The following CHST3 variants were observed in gnomAD, a reference collection of about 807,000 sequenced individuals.
CHST3 encodes the protein carbohydrate sulfotransferase 3.
A neutral mutation model predicts 35.4 loss-of-function variants in CHST3; 20 were observed. The observed-to-expected ratio is 0.57, with a 90% confidence interval of 0.40 to 0.82. The LOEUF (loss-of-function observed/expected upper bound fraction) is 0.82. Among genes scored for constraint, CHST3 ranks in the 40% least tolerant of loss-of-function variants. The pLI is 0.00. For synonymous variants in CHST3, 334 were observed against 295.9 expected (o/e 1.13, Z -1.32); for missense variants, 693 against 670.1 (o/e 1.03, Z -0.38).
intron 1 of CHST3, among the ~76,000 whole-genome samples, chr10:71,967,117 C>A (rs1027131893): frequency 6.6e-6 from 1 of 152,142 alleles, no homozygotes; most frequent in Non-Finnish European, 1.5e-5. Flanking sequence ...ATCCTCCTGC[C>A]CCAGCCTCCC....
At position 72,009,094 on chromosome 10, in the gene CHST3, C is replaced by G. The variant is rs575995648; in HGVS notation, c.*623C>G. 1 of 152,650 alleles carries G rather than the reference C, an allele frequency of 6.6e-6. No individual in the cohort carries two copies. Among genetic ancestry groups the G allele is most frequent in the East Asian group, 1.9e-4 (1 of 5,188 alleles). The allele number at this position is 152,650 out of a possible 1,614,324, so 9.5% of individuals were successfully genotyped here. A position where few individuals can be genotyped will look rare whatever the true frequency, so the allele number is the denominator to read the frequency against. On this transcript the variant is annotated 3_prime_UTR_variant, in exon 3 of 3. Coordinates refer to ENST00000373115, the MANE Select transcript of CHST3 (RefSeq NM_004273.5). ...TATAGAGCTGCAAAACACACACATG[C>G]GTATAGACATACATACATGTACACC...
intron 1 of CHST3, among the ~76,000 whole-genome samples, chr10:71,997,210 C>G (rs1839949928): frequency 6.6e-6 from 1 of 152,150 alleles, no homozygotes; most frequent in Admixed American, 6.5e-5. Flanking sequence ...ACATCAACCC[C>G]CCGGCCCTTC....
intron 1 of CHST3, among the ~76,000 whole-genome samples, chr10:71,985,674 CT>C (rs1187637002): frequency 6.6e-6 from 1 of 151,954 alleles, no homozygotes; most frequent in African/African-American, 2.4e-5. Context: ...CTTTTTTTTC[CT>C]TTTCATTACA....
At chr10:71,990,074 CTTG>C (rs1839883660) in intron 1 of CHST3, among the ~76,000 whole-genome samples, 1 of 152,084 alleles carries the variant, frequency 6.6e-6, no homozygotes, top group African/African-American at 2.4e-5. Flanking sequence ...TGTATATGTC[CTTG>C]TTGTATCCAT....
chr10:71,980,016 C>T (rs949422050), intron 1 of CHST3, among the ~76,000 whole-genome samples: 6 of 152,216 alleles, frequency 3.9e-5, no homozygotes, highest in African/African-American at 1.4e-4. Flanking sequence ...CTTCTGTCCG[C>T]TGCCTACATG....
At chr10:71,981,177 C>T (rs1839797716) in intron 1 of CHST3, among the ~76,000 whole-genome samples, 1 of 152,244 alleles carries the variant, frequency 6.6e-6, no homozygotes, top group South Asian at 2.1e-4. Context: ...GTGGGTTTCA[C>T]TGGCGGTCCC....
At chr10:71,992,393 G>T (rs1363225851) in intron 1 of CHST3, among the ~76,000 whole-genome samples, 1 of 152,114 alleles carries the variant, frequency 6.6e-6, no homozygotes, top group Non-Finnish European at 1.5e-5. Context: ...TCCCAGGCTG[G>T]TCTCGAACTC....
In CHST3 at chr10:72,007,556, G is replaced by GC; in HGVS notation, c.527dup (p.Ala179ArgfsTer141). 1 of 1,606,740 alleles carries GC rather than the reference G, an allele frequency of 6.2e-7. No individual in the cohort carries two copies. Among genetic ancestry groups the GC allele is most frequent in the Non-Finnish European group, 8.5e-7 (1 of 1,179,780 alleles). Reference sequence around the variant, plus strand: ...ACATCGAGCGCACAGTGTCCTTCGAGCCGGGGGGCGCCAACGCCGCGGGCT... The same window carrying GC: ...ACATCGAGCGCACAGTGTCCTTCGAGCCCGGGGGGCGCCAACGCCGCGGGCT... On this transcript the variant is annotated frameshift_variant, in exon 3 of 3. Coordinates refer to ENST00000373115, the MANE Select transcript of CHST3 (RefSeq NM_004273.5). LOFTEE classifies it high-confidence loss of function.
chr10:71,972,727 A>G (rs555134088), intron 1 of CHST3, among the ~76,000 whole-genome samples: 1 of 152,216 alleles, frequency 6.6e-6, no homozygotes, highest in East Asian at 1.9e-4. Context: ...TCGGTATCCC[A>G]TGTTCCAAAT....
intron 1 of CHST3, among the ~76,000 whole-genome samples, chr10:72,000,480 G>C (rs1025803946): frequency 1.3e-5 from 2 of 152,018 alleles, no homozygotes; most frequent in Non-Finnish European, 2.9e-5. Flanking sequence ...CTCCAGAGCT[G>C]GGGGGGCATT....
chr10:71,996,601 C>A (rs1007622621), intron 1 of CHST3, among the ~76,000 whole-genome samples: 1 of 152,160 alleles, frequency 6.6e-6, no homozygotes, highest in South Asian at 2.1e-4. Flanking sequence ...TAACTTTATG[C>A]TGGCCTTCTT....
intron 1 of CHST3, among the ~76,000 whole-genome samples, chr10:71,973,589 G>C (rs1379035107): frequency 1.3e-5 from 2 of 152,218 alleles, no homozygotes; most frequent in Non-Finnish European, 2.9e-5. Flanking sequence ...GGCACAGAGT[G>C]CTGGGTTCTT....
At chr10:71,970,484 GC>G (rs1839681653) in intron 1 of CHST3, among the ~76,000 whole-genome samples, 2 of 152,120 alleles carry the variant, frequency 1.3e-5, no homozygotes, top group Admixed American at 6.5e-5. Context: ...GGTTACACCT[GC>G]CCCCTCCCCG....
intron 1 of CHST3, among the ~76,000 whole-genome samples, chr10:72,002,173 C>T (rs1207205046): frequency 1.3e-5 from 2 of 152,220 alleles, no homozygotes; most frequent in Admixed American, 1.3e-4. Flanking sequence ...AGGGAGCCAA[C>T]AGCCTGCCTG....
chr10:71,998,305 C>G (rs978887591), intron 1 of CHST3, among the ~76,000 whole-genome samples: 20 of 152,268 alleles, frequency 1.3e-4, no homozygotes, highest in African/African-American at 4.8e-4. Context: ...CCATGCTTCT[C>G]CCATGCTGGA....
At chr10:71,965,107 C>T (rs887863179) in intron 1 of CHST3, among the ~76,000 whole-genome samples, 1 of 152,198 alleles carries the variant, frequency 6.6e-6, no homozygotes, top group Non-Finnish European at 1.5e-5. Flanking sequence ...GGAGAGGGAG[C>T]CCCCAAAGCG....
chr10:71,976,560 A>G (rs1399235857), intron 1 of CHST3, among the ~76,000 whole-genome samples: 2 of 152,148 alleles, frequency 1.3e-5, no homozygotes, highest in Non-Finnish European at 2.9e-5. Context: ...CCTCCCCTCC[A>G]GGAGAGAGAG....
intron 1 of CHST3, among the ~76,000 whole-genome samples, chr10:71,984,541 T>G (rs966282423): frequency 6.6e-6 from 1 of 152,216 alleles, no homozygotes; most frequent in African/African-American, 2.4e-5. Context: ...ATCTGTCCAC[T>G]GCTGTACAGC....
At chr10:71,990,760 G>A (rs999943576) in intron 1 of CHST3, among the ~76,000 whole-genome samples, 4 of 152,190 alleles carry the variant, frequency 2.6e-5, no homozygotes, top group Non-Finnish European at 5.9e-5. Context: ...ACTGGGATTC[G>A]ATTACAACAC....
Sources: allele counts gnomAD v4.1 joint callset (sites outside exome capture counted in the v4.1 genomes callset), GRCh38; gene constraint gnomAD v4.1.1; transcripts MANE v1.5; gene names NCBI Gene and HGNC (gene_info 2026-07-23, HGNC 2026-07-21).